Variants in BMPR1B observed in about 807,000 individuals in gnomAD.
BMPR1B encodes the protein bone morphogenetic protein receptor type-1B.
A neutral mutation model predicts 59.1 loss-of-function variants in BMPR1B; 12 were observed. The observed-to-expected ratio is 0.20, with a 90% CI of 0.13 to 0.33. The LOEUF (loss-of-function observed/expected upper bound fraction) is 0.33. Ranked by LOEUF, BMPR1B falls within the 10% of genes least tolerant of loss-of-function variation. The probability of loss-of-function intolerance (pLI) is 1.00; values close to 1 mark genes in which losing one functional copy is unlikely to be tolerated. For missense variants in BMPR1B, 550 were observed against 610.9 expected (o/e 0.90, Z 1.05); for synonymous variants, 237 against 207.3 (o/e 1.14, Z -1.23).
chr4:94,857,209 A>T (rs1023684760), intron 1 of BMPR1B, among the ~76,000 whole-genome samples: 1 of 152,198 alleles, frequency 6.6e-6, no homozygotes, highest in Non-Finnish European at 1.5e-5. Context: ...CCTTACTCTT[A>T]TGCAAATAAA....
At chr4:95,144,392 C>T (rs1199104675) in intron 10 of BMPR1B, among the ~76,000 whole-genome samples, 1 of 151,994 alleles carries the variant, frequency 6.6e-6, no homozygotes, top group Non-Finnish European at 1.5e-5. Flanking sequence ...CCAGGCTGGT[C>T]TTGAACTCCT....
intron 1 of BMPR1B, among the ~76,000 whole-genome samples, chr4:94,859,750 A>G (rs11932610): frequency 0.031 from 4,685 of 152,240 alleles, 151 homozygotes; most frequent in African/African-American, 0.077. Context: ...ATAATGAAGT[A>G]TTTAATATTT....
intron 2 of BMPR1B, among the ~76,000 whole-genome samples, chr4:94,894,632 C>T (rs535341093): frequency 2.6e-5 from 4 of 151,944 alleles, no homozygotes; most frequent in East Asian, 1.9e-4. Context: ...CCCAATAGAA[C>T]GGTTTAAAAG....
chr4:94,973,643 G>A (rs369520944), intron 2 of BMPR1B, among the ~76,000 whole-genome samples: 15 of 152,246 alleles, frequency 9.9e-5, no homozygotes, highest in East Asian at 7.7e-4. Context: ...ACATTTGAGC[G>A]GGTAAACAGG....
intron 10 of BMPR1B, among the ~76,000 whole-genome samples, chr4:95,140,356 A>C (rs932646469): frequency 6.6e-6 from 1 of 152,312 alleles, no homozygotes; most frequent in East Asian, 1.9e-4. Context: ...CACATTCTGG[A>C]CGAAATCCCC....
intron 1 of BMPR1B, among the ~76,000 whole-genome samples, chr4:94,845,422 A>G (rs1049143935): frequency 2.6e-5 from 4 of 151,338 alleles, no homozygotes; most frequent in Non-Finnish European, 5.9e-5. Flanking sequence ...GGCTCACTGC[A>G]AGCTCTGCCT....
rs1411866112 is a variant in BMPR1B, at chr4:95,048,419, G to A, written c.-18+52285G>A. On this transcript the variant is annotated intron_variant, in intron 3 of 12. Transcript: ENST00000515059. ...GCTGAACTAATTTATATTCCCACAA[G>A]CAATGTATAAGCATTCCCTTTTCTC... Among the ~76,000 whole-genome samples the A allele has an allele frequency of 3.9e-5, 6 of 152,122 alleles. 1 individual carries two copies. The highest frequency in any genetic ancestry group is 2.0e-4 in the Admixed American group (3 of 15,264).
At chr4:94,912,940 AT>A (rs1728342038) in intron 2 of BMPR1B, among the ~76,000 whole-genome samples, 1 of 150,934 alleles carries the variant, frequency 6.6e-6, no homozygotes, top group Admixed American at 6.6e-5. Context: ...ATTTTCCTTC[AT>A]TTCTAGCTGT....
At chr4:94,817,080 C>T (rs945297007) in intron 1 of BMPR1B, among the ~76,000 whole-genome samples, 3 of 152,138 alleles carry the variant, frequency 2.0e-5, no homozygotes, top group Non-Finnish European at 2.9e-5. Flanking sequence ...CACATCGTTC[C>T]TCCCCTCCAG....
At chr4:94,971,402 C>T (rs1001432326) in intron 2 of BMPR1B, among the ~76,000 whole-genome samples, 1 of 152,004 alleles carries the variant, frequency 6.6e-6, no homozygotes, top group Non-Finnish European at 1.5e-5. Flanking sequence ...AAAAATAGTT[C>T]GGTCTCATCA....
At chr4:95,099,594 TCACGCGCGCA>T (rs1435130017) in intron 3 of BMPR1B, among the ~76,000 whole-genome samples, 1 of 151,634 alleles carries the variant, frequency 6.6e-6, no homozygotes, top group Non-Finnish European at 1.5e-5. Flanking sequence ...TCTCTCTGTT[TCACGCGCGCA>T]CACGCACACA....
chr4:94,978,947 CAT>C (rs910672818), intron 2 of BMPR1B, among the ~76,000 whole-genome samples: 4 of 112,798 alleles, frequency 3.5e-5, no homozygotes, highest in Non-Finnish European at 7.3e-5. Flanking sequence ...ATCACACATA[CAT>C]ACACACACAC....
intron 3 of BMPR1B, among the ~76,000 whole-genome samples, chr4:95,062,934 T>C (rs2149207411): frequency 6.6e-6 from 1 of 152,322 alleles, no homozygotes; most frequent in Admixed American, 6.5e-5. Flanking sequence ...CGTTTCCTCC[T>C]GTGGCTTTGT....
At chr4:95,116,421 G>GCACACACACACACACACACACACACA (rs35436544) in intron 6 of BMPR1B, among the ~76,000 whole-genome samples, 14 of 123,242 alleles carry the variant, frequency 1.1e-4, no homozygotes, top group African/African-American at 2.2e-4. Context: ...TTCAGCGCGC[G>GCACACACACACACACACACACACACA]CACACACACA....
At position 94,866,801 on chromosome 4, in the gene BMPR1B, C is replaced by G. The variant is rs148222498; in HGVS notation, c.-182-9030C>G. Among the ~76,000 whole-genome samples the G allele has an allele frequency of 5.0e-3, 757 of 152,226 alleles. 8 individuals are homozygous for G. The highest frequency in any genetic ancestry group is 0.017 in the African/African-American group (690 of 41,566). On this transcript the variant is annotated intron_variant, in intron 1 of 12. Coordinates refer to ENST00000515059, the MANE Select transcript of BMPR1B (RefSeq NM_001203.3). ...GTTTCACCATGTTGGCCAGGATGGT[C>G]TCGATCTCCTCACCTCATGATCCGC...
chr4:94,862,869 C>T (rs1005911632), intron 1 of BMPR1B, among the ~76,000 whole-genome samples: 9 of 148,840 alleles, frequency 6.0e-5, no homozygotes, highest in African/African-American at 2.0e-4. Flanking sequence ...GGCGTCAACC[C>T]GGGAGGTGGA....
intron 1 of BMPR1B, among the ~76,000 whole-genome samples, chr4:94,779,589 G>A (rs1042077127): frequency 2.6e-5 from 4 of 152,264 alleles, no homozygotes; most frequent in African/African-American, 9.6e-5. Context: ...CCAGCACTTT[G>A]GGAGGCAAAG....
At chr4:94,816,307 C>T (rs957675487) in intron 1 of BMPR1B, among the ~76,000 whole-genome samples, 4 of 151,922 alleles carry the variant, frequency 2.6e-5, no homozygotes, top group African/African-American at 4.8e-5. Flanking sequence ...CCACCAGGCC[C>T]GGCTAGTTTT....
At chr4:94,837,631 T>G (rs1724877328) in intron 1 of BMPR1B, among the ~76,000 whole-genome samples, 1 of 138,390 alleles carries the variant, frequency 7.2e-6, no homozygotes, top group Non-Finnish European at 1.6e-5. Flanking sequence ...TTTGCTGAAG[T>G]TGCTTATCAG....
Sources: allele counts gnomAD v4.1 joint callset (sites outside exome capture counted in the v4.1 genomes callset), GRCh38; gene constraint gnomAD v4.1.1; transcripts MANE v1.5; gene names NCBI Gene and HGNC (gene_info 2026-07-23, HGNC 2026-07-21).